The following XK variants were observed in gnomAD, a reference collection of about 807,000 sequenced individuals.
The protein encoded by XK is X-linked Kx blood group antigen, Kell and VPS13A binding protein, also known as endoplasmic reticulum membrane adapter protein XK.
In XK, 2 loss-of-function variants were observed where a neutral mutation model predicts 14.0. That is an observed-to-expected ratio of 0.14 (90% confidence interval 0.06 to 0.45). The LOEUF is 0.45. Among genes scored for constraint, XK ranks in the 20% least tolerant of loss-of-function variants. The pLI is 0.98. For synonymous variants in XK, 149 were observed against 147.5 expected (o/e 1.01, Z -0.08); for missense variants, 235 against 341.5 (o/e 0.69, Z 2.46).
At chrX:37,696,941 A>G (rs1307503252) in intron 2 of XK, among the ~76,000 whole-genome samples, 3 of 112,033 alleles carry the variant, frequency 2.7e-5, no homozygotes, top group Non-Finnish European at 5.6e-5. Flanking sequence ...AATTTCCCTA[A>G]TAGACTTTAC....
chrX:37,707,325 C>T (rs1382935561), intron 2 of XK, among the ~76,000 whole-genome samples: 20 of 110,483 alleles, frequency 1.8e-4, no homozygotes, highest in African/African-American at 6.3e-4. Context: ...CACCTCCCTC[C>T]CGGACGGGGT....
At chrX:37,726,693 A>G (rs918501201) in intron 2 of XK, among the ~76,000 whole-genome samples, 5 of 112,186 alleles carry the variant, frequency 4.5e-5, no homozygotes, top group South Asian at 3.7e-4. Flanking sequence ...TTCTGCTTCT[A>G]TTATAAACTG....
At chrX:37,705,407 G>A (rs1442925263) in intron 2 of XK, among the ~76,000 whole-genome samples, 14 of 108,993 alleles carry the variant, frequency 1.3e-4, no homozygotes, top group African/African-American at 3.7e-4. Context: ...AGCCGAGCTC[G>A]CGCCACTGGA....
At chrX:37,688,312 T>C (rs1927137993) in intron 1 of XK, among the ~76,000 whole-genome samples, 1 of 110,689 alleles carries the variant, frequency 9.0e-6, no homozygotes, top group East Asian at 2.8e-4. Flanking sequence ...GTGATCCGCC[T>C]GCCTCGGCCT....
intron 2 of XK, among the ~76,000 whole-genome samples, chrX:37,701,219 T>C: frequency 8.9e-6 from 1 of 112,398 alleles, no homozygotes. Flanking sequence ...CCAGAAAAAA[T>C]AATCTGTGTA....
intron 2 of XK, among the ~76,000 whole-genome samples, chrX:37,720,510 T>C (rs1556448674): frequency 9.0e-6 from 1 of 111,349 alleles, no homozygotes; most frequent in African/African-American, 3.2e-5. Context: ...TGTTTTATCC[T>C]TTTTTTCTTT....
intron 2 of XK, among the ~76,000 whole-genome samples, chrX:37,695,900 C>T (rs1319571423): frequency 8.9e-6 from 1 of 112,265 alleles, no homozygotes; most frequent in African/African-American, 3.2e-5. Flanking sequence ...ATAGCAACAT[C>T]CGTGTTCTCT....
rs1272916456 is a variant in XK at position 37,728,638 on chromosome X, G to T, written c.*176G>T. Reference sequence around the variant, plus strand: ...GTAGAACTGTATGGGAAGAAGCCAGGAAAACCTCTGAGTGTTGAAGGGGCA... The same window carrying T: ...GTAGAACTGTATGGGAAGAAGCCAGTAAAACCTCTGAGTGTTGAAGGGGCA... On this transcript the variant is annotated 3_prime_UTR_variant, in exon 3 of 3. Transcript: ENST00000378616. 2.0e-6 allele frequency: 1 copy of T among 508,103 alleles called. No homozygotes were observed. Among genetic ancestry groups the T allele is most frequent in the Non-Finnish European group, 3.3e-6 (1 of 306,305 alleles). The allele number at this position is 508,103 out of a possible 1,213,427, so 41.9% of individuals were successfully genotyped here.
chrX:37,709,282 C>T (rs1460930062), intron 2 of XK, among the ~76,000 whole-genome samples: 1 of 112,116 alleles, frequency 8.9e-6, no homozygotes, highest in African/African-American at 3.2e-5. Flanking sequence ...TGGCCAAGAT[C>T]TTCAGTTATC....
In XK at chrX:37,729,796, G is replaced by A. The variant is rs781795511; in HGVS notation, c.*1334G>A. The A allele has an allele frequency of 1.8e-5, 2 of 111,276 alleles. No homozygotes were observed. The highest frequency in any genetic ancestry group is 3.8e-5 in the Non-Finnish European group (2 of 52,977). 9.2% of individuals were successfully genotyped at this position (111,276 alleles called of 1,213,427 possible). A position where few individuals can be genotyped will look rare whatever the true frequency, so the allele number is the denominator to read the frequency against. On this transcript the variant is annotated 3_prime_UTR_variant, in exon 3 of 3. Coordinates refer to ENST00000378616, the MANE Select transcript of XK (RefSeq NM_021083.4). Reference sequence around the variant, plus strand: ...TTTACAAAAGGGACTCTATGGACTCGATTTTACCATATGGAATAGGGATCC... The same window carrying A: ...TTTACAAAAGGGACTCTATGGACTCAATTTTACCATATGGAATAGGGATCC...
chrX:37,686,355 A>T, intron 1 of XK, 149 bp downstream of exon 1: 1 of 1,052,646 alleles, frequency 9.5e-7, no homozygotes, highest in Non-Finnish European at 1.3e-6. Context: ...CAGCCCCATT[A>T]TTCCAGTCAG....
chrX:37,686,165 C>T lies in XK; in HGVS notation c.204C>T (p.Leu68=), dbSNP rs1168562800. The T allele has an allele frequency of 1.3e-5, 16 of 1,207,909 alleles. No individual in the cohort carries two copies. Among genetic ancestry groups the T allele is most frequent in the African/African-American group, 1.7e-5 (1 of 57,575 alleles). The change falls in exon 1 of 3, where the codon CTC becomes CTT. Residue 68 remains leucine, a synonymous_variant. Transcript: ENST00000378616. ...GCGACCTCAGCCGCGACCGCCCGCT[C>T]GTACTGCTGCTGCACCTGCTGCAAC... The part of the protein sequence containing the change: ...VHRDLSRDRP[L]VLLLHLLQLG...
intron 2 of XK, among the ~76,000 whole-genome samples, chrX:37,707,766 C>T (rs958071000): frequency 1.6e-4 from 18 of 111,766 alleles, no homozygotes; most frequent in Non-Finnish European, 1.7e-4. Context: ...AGATGATGGG[C>T]GGCCAGGCAG....
At chrX:37,713,871 C>T (rs1602154126) in intron 2 of XK, among the ~76,000 whole-genome samples, 1 of 111,998 alleles carries the variant, frequency 8.9e-6, no homozygotes, top group Admixed American at 9.4e-5. Context: ...CTGGTCTATA[C>T]TAATCTTTAT....
At chrX:37,712,345 A>G (rs1321070342) in intron 2 of XK, among the ~76,000 whole-genome samples, 1 of 112,260 alleles carries the variant, frequency 8.9e-6, no homozygotes, top group Non-Finnish European at 1.9e-5. Context: ...ATCTAATGAT[A>G]ATAGCTTTAA....
chrX:37,725,026 C>T (rs782461712), intron 2 of XK, among the ~76,000 whole-genome samples: 4 of 111,476 alleles, frequency 3.6e-5, no homozygotes, highest in South Asian at 3.7e-4. Context: ...TTCTCAACAA[C>T]GTGAATGAAC....
chrX:37,721,488 C>A (rs1164138816), intron 2 of XK, among the ~76,000 whole-genome samples: 3 of 110,926 alleles, frequency 2.7e-5, no homozygotes, highest in Admixed American at 9.6e-5. Context: ...AAATGCAAAT[C>A]AAAATCACAA....
chrX:37,717,053 C>T (rs1556447973), intron 2 of XK, among the ~76,000 whole-genome samples: 1 of 111,731 alleles, frequency 9.0e-6, no homozygotes, highest in Admixed American at 9.5e-5. Context: ...GAAATATTCA[C>T]ATAATAGAAG....
chrX:37,714,091 T>G (rs1347465151), intron 2 of XK, among the ~76,000 whole-genome samples: 1 of 111,879 alleles, frequency 8.9e-6, no homozygotes, highest in East Asian at 2.8e-4. Flanking sequence ...CTTGACCCAA[T>G]GTTAGTTGTT....
Sources: allele counts gnomAD v4.1 joint callset (sites outside exome capture counted in the v4.1 genomes callset), GRCh38; gene constraint gnomAD v4.1.1; transcripts MANE v1.5; gene names NCBI Gene and HGNC (gene_info 2026-07-23, HGNC 2026-07-21).